Variants in DCUN1D5 observed in about 807,000 individuals in gnomAD.
DCUN1D5 encodes defective in cullin neddylation 1 domain containing 5, also known as DCN1-like protein 5.
DCUN1D5 carries 10 observed loss-of-function variants against 38.3 expected under a neutral mutation model. That is an observed-to-expected ratio of 0.26 (90% confidence interval 0.16 to 0.44). DCUN1D5 has a LOEUF of 0.44. DCUN1D5 is among the 20% of genes least tolerant of loss of function. DCUN1D5 has a pLI of 1.00. For missense variants in DCUN1D5, 148 were observed against 275.3 expected, an observed-to-expected ratio of 0.54 and a Z score of 3.27; for synonymous variants, 93 against 90.9, an observed-to-expected ratio of 1.02 and a Z score of -0.13.
chr11:103,079,122 T>A (rs961921614), intron 4 of DCUN1D5, among the ~76,000 whole-genome samples: 4 of 152,186 alleles, frequency 2.6e-5, no homozygotes, highest in Non-Finnish European at 5.9e-5. Context: ...AACCCTATTG[T>A]GAACTGTGCG....
chr11:103,086,780 A>C lies in DCUN1D5; in HGVS notation c.178+2447T>G, dbSNP rs1219696064. On this transcript the variant is annotated intron_variant, in intron 2 of 7. Coordinates refer to ENST00000260247, the MANE Select transcript of DCUN1D5 (RefSeq NM_032299.4). This position sits in a 1 kb window ranked among gnomAD's most constrained non-coding sequence, Gnocchi z 4.1. ...TTGAATGGATGACAGAAATTAACCAAGAGTACCAATATTTTCTTTGCAAAA... is the reference window on the plus strand; with the variant it reads ...TTGAATGGATGACAGAAATTAACCACGAGTACCAATATTTTCTTTGCAAAA... Among the ~76,000 whole-genome samples the C allele has an allele frequency of 6.6e-6, 1 of 152,214 alleles. No homozygotes were observed. The highest frequency in any genetic ancestry group is 1.5e-5 in the Non-Finnish European group (1 of 68,036).
rs1458601991 is a variant in DCUN1D5, at chr11:103,083,482, GATTTAAA to G, written c.179-163_179-157del. ...TGATAAGTATAAATATTTGCTACAGGATTTAAAATTTAAAATTTGTGAAGTATTCTTT... is the reference window on the plus strand; with the variant it reads ...TGATAAGTATAAATATTTGCTACAGGATTTAAAATTTGTGAAGTATTCTTT... On this transcript the variant is annotated intron_variant, in intron 2 of 7. Coordinates refer to ENST00000260247, the MANE Select transcript of DCUN1D5 (RefSeq NM_032299.4). The surrounding 1 kb of genome is among the most constrained non-coding windows in gnomAD (Gnocchi z 4.4). Among the ~76,000 whole-genome samples the G allele has an allele frequency of 1.3e-5, 2 of 152,020 alleles. No homozygotes were observed. Among genetic ancestry groups the G allele is most frequent in the African/African-American group, 4.8e-5 (2 of 41,486 alleles).
intron 4 of DCUN1D5, among the ~76,000 whole-genome samples, chr11:103,076,053 T>C (rs1862400390): frequency 6.6e-6 from 1 of 152,188 alleles, no homozygotes; most frequent in Admixed American, 6.5e-5. Context: ...GAGTCACATC[T>C]TTCATACAAA....
chr11:103,089,212 T>C lies in DCUN1D5; in HGVS notation c.178+15A>G. The C allele has an allele frequency of 6.2e-7, 1 of 1,610,276 alleles. No individual in the cohort carries two copies. The highest frequency in any genetic ancestry group is 2.2e-5 in the East Asian group (1 of 44,814). On this transcript the variant is annotated intron_variant, in intron 2 of 7. Transcript: ENST00000260247. The stretch of plus-strand genomic sequence containing the variant: ...AAAGCATATGACTAGTATCTTCTTA[T>C]ATTAATTTCATTACCTGCATATTCA...
chr11:103,067,401 C>T (rs1862161058), intron 4 of DCUN1D5, among the ~76,000 whole-genome samples: 1 of 152,136 alleles, frequency 6.6e-6, no homozygotes, highest in Admixed American at 6.5e-5. Context: ...AATGCCACTG[C>T]CATACTTCAG....
chr11:103,084,672 G>C (rs1424436006), intron 2 of DCUN1D5, among the ~76,000 whole-genome samples: 1 of 152,132 alleles, frequency 6.6e-6, no homozygotes, highest in Admixed American at 6.5e-5. Context: ...ATATATGATT[G>C]AAAGAAAACA....
chr11:103,069,237 T>G (rs1862211463), intron 4 of DCUN1D5, among the ~76,000 whole-genome samples: 1 of 152,126 alleles, frequency 6.6e-6, no homozygotes, highest in South Asian at 2.1e-4. Flanking sequence ...TATTCCAAAC[T>G]TGGAGCTGAA....
chr11:103,069,103 C>T (rs1284890935), intron 4 of DCUN1D5, among the ~76,000 whole-genome samples: 1 of 152,186 alleles, frequency 6.6e-6, no homozygotes, highest in Non-Finnish European at 1.5e-5. Flanking sequence ...TTTTCACACT[C>T]ACTCTCTCCT....
intron 4 of DCUN1D5, among the ~76,000 whole-genome samples, chr11:103,068,708 AGGG>A (rs1337897151): frequency 6.6e-6 from 1 of 152,090 alleles, no homozygotes; most frequent in African/African-American, 2.4e-5. Context: ...GAGAAGAGAG[AGGG>A]GCATAAAAGA....
rs1461412596 is a variant in DCUN1D5, at chr11:103,086,750, A to G, written c.178+2477T>C. Among the ~76,000 whole-genome samples the G allele has an allele frequency of 6.6e-6, 1 of 152,176 alleles. No individual in the cohort carries two copies. Among genetic ancestry groups the G allele is most frequent in the African/African-American group, 2.4e-5 (1 of 41,434 alleles). ...GCCTGACTCAAAACAAGTGCTCAAT[A>G]TTTATTGAATGGATGACAGAAATTA... On this transcript the variant is annotated intron_variant, in intron 2 of 7. Transcript: ENST00000260247. The surrounding 1 kb of genome is among the most constrained non-coding windows in gnomAD (Gnocchi z 4.1).
chr11:103,059,100 T>C lies in DCUN1D5; in HGVS notation c.*3259A>G, dbSNP rs1200379065. Among the ~76,000 whole-genome samples the C allele has an allele frequency of 6.6e-6, 1 of 152,142 alleles. No individual in the cohort carries two copies. Among genetic ancestry groups the C allele is most frequent in the East Asian group, 1.9e-4 (1 of 5,194 alleles). ...ATCACAATAGTTTTAAGTACACTTC[T>C]TTAAGAGGGCAGAAGAACAACACCT... On this transcript the variant is annotated 3_prime_UTR_variant, in exon 8 of 8. Transcript: ENST00000260247.
Position 103,061,224 on chromosome 11 carries a change from T to C in DCUN1D5, c.*1135A>G, listed in dbSNP as rs1467854844. On this transcript the variant is annotated 3_prime_UTR_variant, in exon 8 of 8. Coordinates refer to ENST00000260247, the MANE Select transcript of DCUN1D5 (RefSeq NM_032299.4). ...CCCTTATTATGGAAAAATAACCTCT[T>C]TACTTCTCTCTACTCAAACAATGAC... is the stretch of plus-strand genomic sequence containing the variant. Among the ~76,000 whole-genome samples, 1 of 152,180 alleles carries C rather than the reference T, an allele frequency of 6.6e-6. No individual in the cohort carries two copies. The highest frequency in any genetic ancestry group is 1.5e-5 in the Non-Finnish European group (1 of 68,024).
At chr11:103,084,546 TTCTC>T (rs1220017475) in intron 2 of DCUN1D5, among the ~76,000 whole-genome samples, 1 of 152,220 alleles carries the variant, frequency 6.6e-6, no homozygotes, top group African/African-American at 2.4e-5. Context: ...ATAGGGCACT[TTCTC>T]TTCCTTTACA....
intron 4 of DCUN1D5, among the ~76,000 whole-genome samples, chr11:103,070,514 T>A (rs1402602523): frequency 6.6e-6 from 1 of 151,970 alleles, no homozygotes; most frequent in Non-Finnish European, 1.5e-5. Context: ...GACATAGCAA[T>A]CCTAAACAAT....
rs1861984221 is a variant in DCUN1D5, at chr11:103,060,403, A to C, written c.*1956T>G. Among the ~76,000 whole-genome samples the C allele has an allele frequency of 6.6e-6, 1 of 152,172 alleles. No individual in the cohort carries two copies. Reference sequence around the variant, plus strand: ...GAACTGTGTGGGTCTGCTTATACGCAGATTTTTTTAAACCAAACATGGATT... The same window carrying C: ...GAACTGTGTGGGTCTGCTTATACGCCGATTTTTTTAAACCAAACATGGATT... On this transcript the variant is annotated 3_prime_UTR_variant, in exon 8 of 8. Transcript: ENST00000260247.
chr11:103,089,416 G>GT, intron 1 of DCUN1D5, 98 bp from the exon 2 acceptor site: 724 of 1,062,794 alleles, frequency 6.8e-4, no homozygotes, highest in South Asian at 1.1e-3. Flanking sequence ...ATTAAACAAA[G>GT]GTTTTTTTTT....
chr11:103,091,914 G>C lies in DCUN1D5; in HGVS notation c.-42C>G. 6.4e-7 allele frequency: 1 copy of C among 1,572,974 alleles called. No homozygotes were observed. The highest frequency in any genetic ancestry group is 8.7e-7 in the Non-Finnish European group (1 of 1,154,062). ...CAGGGTGGGCAGGGGAGCCGGGGAAGGGGGTCCCTGTCCGCTGGAAGCCCC... is the reference window on the plus strand; with the variant it reads ...CAGGGTGGGCAGGGGAGCCGGGGAACGGGGTCCCTGTCCGCTGGAAGCCCC... On this transcript the variant is annotated 5_prime_UTR_variant, in exon 1 of 8. Transcript: ENST00000260247. This position sits in a 1 kb window ranked among gnomAD's most constrained non-coding sequence, Gnocchi z 4.3.
In DCUN1D5 at chr11:103,058,889, GT is replaced by G. The variant is rs201753351; in HGVS notation, c.*3469del. Among the ~76,000 whole-genome samples the G allele has an allele frequency of 6.0e-4, 89 of 149,536 alleles. No individual in the cohort carries two copies. Among genetic ancestry groups the G allele is most frequent in the Admixed American group, 4.9e-3 (74 of 15,028 alleles). ...TCTTCTTTAGGAGTAAGACTTTTGGGTTTTTTTGGGGGGGGTTTTAATTTTA... is the reference window on the plus strand; with the variant it reads ...TCTTCTTTAGGAGTAAGACTTTTGGGTTTTTTGGGGGGGGTTTTAATTTTA... On this transcript the variant is annotated 3_prime_UTR_variant, in exon 8 of 8. Transcript: ENST00000260247.
rs530745359 is a variant in DCUN1D5 at position 103,065,946 on chromosome 11, G to C, written c.555+323C>G. Reference sequence around the variant, plus strand: ...AGAAAATCAGATTTAGAAGCTTAAAGGTTTGTGTACTAGCATTAACTCTCT... The same window carrying C: ...AGAAAATCAGATTTAGAAGCTTAAACGTTTGTGTACTAGCATTAACTCTCT... On this transcript the variant is annotated intron_variant, in intron 6 of 7. Transcript: ENST00000260247. This position sits in a 1 kb window ranked among gnomAD's most constrained non-coding sequence, Gnocchi z 4.6. Among the ~76,000 whole-genome samples the C allele has an allele frequency of 6.6e-6, 1 of 152,070 alleles. No homozygotes were observed. The highest frequency in any genetic ancestry group is 2.4e-5 in the African/African-American group (1 of 41,426).
Sources: allele counts gnomAD v4.1 joint callset (sites outside exome capture counted in the v4.1 genomes callset), GRCh38; gene constraint gnomAD v4.1.1; non-coding constraint Gnocchi (gnomAD v3.1); transcripts MANE v1.5; gene names NCBI Gene and HGNC (gene_info 2026-07-23, HGNC 2026-07-21).